ABCB11: variants seen among roughly 807,000 people sequenced by gnomAD.
The protein encoded by ABCB11 is ATP binding cassette subfamily B member 11, also known as bile salt export pump.
A neutral mutation model predicts 148.0 loss-of-function variants in ABCB11; 95 were observed. That is an observed-to-expected ratio of 0.64 (90% CI 0.54 to 0.76). The LOEUF is 0.76. Ranked by LOEUF, ABCB11 falls within the 30% of genes least tolerant of loss-of-function variation. ABCB11 has a pLI of 0.00. For missense variants in ABCB11, 1,523 were observed against 1,617.8 expected, an observed-to-expected ratio of 0.94 and a Z score of 1.01; for synonymous variants, 591 against 555.4, an observed-to-expected ratio of 1.06 and a Z score of -0.90.
At chr2:168,982,436 G>A (rs982728957) in intron 10 of ABCB11, among the ~76,000 whole-genome samples, 6 of 152,122 alleles carry the variant, frequency 3.9e-5, no homozygotes, top group South Asian at 2.1e-4. Context: ...TGAATGTCAC[G>A]CTCCATTATG....
chr2:168,955,981 C>T (rs1692771093), intron 19 of ABCB11, among the ~76,000 whole-genome samples: 1 of 151,592 alleles, frequency 6.6e-6, no homozygotes, highest in African/African-American at 2.4e-5. Flanking sequence ...GACACCTTGT[C>T]TCACATCCAG....
chr2:169,027,028 A>G (rs902993698), intron 1 of ABCB11, among the ~76,000 whole-genome samples: 2 of 152,202 alleles, frequency 1.3e-5, no homozygotes, highest in African/African-American at 2.4e-5. Context: ...GGAGGCTTTA[A>G]TTAGGGTTTC....
chr2:168,987,267 A>G (rs970456671), intron 9 of ABCB11, among the ~76,000 whole-genome samples: 55 of 152,168 alleles, frequency 3.6e-4, no homozygotes, highest in Non-Finnish European at 1.3e-4. Flanking sequence ...GTTGGTAGCT[A>G]TTTTATAAAA....
chr2:168,928,446 T>C (rs757089390), intron 25 of ABCB11, among the ~76,000 whole-genome samples: 1 of 152,146 alleles, frequency 6.6e-6, no homozygotes, highest in Non-Finnish European at 1.5e-5. Context: ...ATTTGGTAGA[T>C]TAAGAGCAAA....
Position 168,973,660 on chromosome 2 carries a change from T to A in ABCB11, c.1434+55A>T. On this transcript the variant is annotated intron_variant, in intron 13 of 27. Transcript: ENST00000650372. ...ACACCTTTCTGTTTGATCAATATACTGCCATTTGCACTTTACTGTCCCCAT... is the reference window on the plus strand; with the variant it reads ...ACACCTTTCTGTTTGATCAATATACAGCCATTTGCACTTTACTGTCCCCAT... 4.4e-6 allele frequency: 7 copies of A among 1,592,872 alleles called. No individual in the cohort carries two copies. The South Asian group carries it at 7.8e-5, about 18-fold the overall frequency.
At chr2:168,929,945 T>A (rs1256732888) in intron 25 of ABCB11, among the ~76,000 whole-genome samples, 1 of 151,978 alleles carries the variant, frequency 6.6e-6, no homozygotes, top group Non-Finnish European at 1.5e-5. Flanking sequence ...CATTGGGAGA[T>A]CAAAAAACAT....
intron 5 of ABCB11, among the ~76,000 whole-genome samples, chr2:169,005,803 C>A (rs753136951): frequency 6.6e-6 from 1 of 152,172 alleles, no homozygotes; most frequent in Non-Finnish European, 1.5e-5. Context: ...AAACATCATG[C>A]TGCACACCAT....
Position 168,986,229 on chromosome 2 carries a change from T to C in ABCB11, c.964A>G (p.Met322Val), listed in dbSNP as rs1166711071. 2 of 1,613,340 alleles carry C rather than the reference T, an allele frequency of 1.2e-6. No individual in the cohort carries two copies. The highest frequency in any genetic ancestry group is 1.7e-6 in the Non-Finnish European group (2 of 1,179,600). ...QRWGIRKGIV[M>V]GFFTGFVWCL... ...CACACGAATCCAGTAAAGAATCCCA[T>C]CACTATTCCTTTTCTAATTCCCCAA... The change falls in exon 10 of 28, where the codon ATG becomes GTG. Residue 322 changes from methionine (M) to valine (V), a missense_variant. By Grantham distance (21) the Met-to-Val change is conservative (BLOSUM62 1). Transcript: ENST00000650372.
Position 168,996,677 on chromosome 2 carries a change from A to G in ABCB11, c.435T>C (p.Tyr145=), listed in dbSNP as rs766402285. Residue 145 remains tyrosine, a synonymous_variant, in exon 6 of 28, where the codon TAT becomes TAC. Coordinates refer to ENST00000650372, the MANE Select transcript of ABCB11 (RefSeq NM_003742.4). ...ESEMIKFASY[Y]AGIAVAVLIT... The stretch of plus-strand genomic sequence containing the variant: ...TAAGTACTGCGACAGCAATTCCAGC[A>G]TAGTAACTGGCAAATTTGATCATTT... 22 of 1,575,810 alleles carry G rather than the reference A, an allele frequency of 1.4e-5. No homozygotes were observed. The South Asian group carries it at 2.0e-4, about 14-fold the overall frequency.
chr2:168,954,779 T>A (rs1185221042), intron 19 of ABCB11, among the ~76,000 whole-genome samples: 1 of 151,688 alleles, frequency 6.6e-6, no homozygotes, highest in Non-Finnish European at 1.5e-5. Context: ...CTTGACAGAC[T>A]TGGGAGGTTG....
intron 1 of ABCB11, among the ~76,000 whole-genome samples, chr2:169,025,481 A>T (rs866796183): frequency 4.6e-5 from 7 of 152,160 alleles, no homozygotes; most frequent in African/African-American, 1.7e-4. Flanking sequence ...CTTCAAGCTT[A>T]AAGACCGAGT....
chr2:168,950,998 A>G (rs1200513418), intron 19 of ABCB11, among the ~76,000 whole-genome samples: 1 of 151,630 alleles, frequency 6.6e-6, no homozygotes, highest in African/African-American at 2.4e-5. Flanking sequence ...GCATACTGCT[A>G]TCCAATTTTT....
chr2:169,009,306 T>C (rs1695110810), intron 5 of ABCB11, among the ~76,000 whole-genome samples: 1 of 151,996 alleles, frequency 6.6e-6, no homozygotes, highest in Non-Finnish European at 1.5e-5. Flanking sequence ...CTATTCACAA[T>C]AGCAAAGACT....
chr2:168,929,137 A>G (rs2105885859), intron 25 of ABCB11, among the ~76,000 whole-genome samples: 1 of 152,342 alleles, frequency 6.6e-6, no homozygotes, highest in Non-Finnish European at 1.5e-5. Context: ...AGTATGAAGC[A>G]AAACAAAACA....
rs2105994594 is a variant in ABCB11, at chr2:168,985,383, A to G, written c.1083+727T>C. Among the ~76,000 whole-genome samples, 4 of 152,282 alleles carry G rather than the reference A, an allele frequency of 2.6e-5. No homozygotes were observed. In the Middle Eastern group the frequency reaches 0.014, roughly 522 times the overall value. On this transcript the variant is annotated intron_variant, in intron 10 of 27. Coordinates refer to ENST00000650372, the MANE Select transcript of ABCB11 (RefSeq NM_003742.4). Reference sequence around the variant, plus strand: ...CATAGAACTACCATTTGATCCAGCAATCCCACTACTGGGTATCTACCCAGA... The same window carrying G: ...CATAGAACTACCATTTGATCCAGCAGTCCCACTACTGGGTATCTACCCAGA...
chr2:169,013,361 G>C lies in ABCB11; in HGVS notation c.300C>G (p.Leu100=), dbSNP rs769708329. 2.5e-6 allele frequency: 4 copies of C among 1,613,820 alleles called. No individual in the cohort carries two copies. In the South Asian group the frequency reaches 3.3e-5, roughly 13 times the overall value. Residue 100 remains leucine, a synonymous_variant, in exon 5 of 28, where the codon CTC becomes CTG. Coordinates refer to ENST00000650372, the MANE Select transcript of ABCB11 (RefSeq NM_003742.4). ...TCACACATGCTTTTCCTGGAATCTG[G>C]AGTTCTTGTAACTCAACGTCGTAGT... ...FIDYDVELQE[L]QIPGKACVNN...
At chr2:168,985,174 A>C (rs1694270611) in intron 10 of ABCB11, among the ~76,000 whole-genome samples, 2 of 152,372 alleles carry the variant, frequency 1.3e-5, no homozygotes, top group South Asian at 4.1e-4. Context: ...GATCAGGGAA[A>C]TACAAATCAA....
intron 14 of ABCB11, chr2:168,970,457 T>G: frequency 9.3e-7 from 1 of 1,070,902 alleles, no homozygotes; most frequent in South Asian, 1.4e-5. Flanking sequence ...TAAATATTCC[T>G]CTTTAGCTCA....
chr2:168,964,193 G>A lies in ABCB11; in HGVS notation c.2178+13C>T. The A allele has an allele frequency of 1.3e-6, 2 of 1,541,730 alleles. No individual in the cohort carries two copies. Among genetic ancestry groups the A allele is most frequent in the South Asian group, 1.2e-5 (1 of 83,916 alleles). On this transcript the variant is annotated intron_variant, in intron 18 of 27. Coordinates refer to ENST00000650372, the MANE Select transcript of ABCB11 (RefSeq NM_003742.4). The stretch of plus-strand genomic sequence containing the variant: ...CTTCTTCCATTCCCCCCCATAAGCA[G>A]TTGGTGCCTGACCTTTCTATCTTCT...
Sources: allele counts gnomAD v4.1 joint callset (sites outside exome capture counted in the v4.1 genomes callset), GRCh38; gene constraint gnomAD v4.1.1; transcripts MANE v1.5; gene names NCBI Gene and HGNC (gene_info 2026-07-23, HGNC 2026-07-21).